Variants in UACA observed in about 807,000 individuals in gnomAD.
UACA encodes the protein nuclear membrane binding protein.
A neutral mutation model predicts 160.5 loss-of-function variants in UACA; 112 were observed. The ratio of observed to expected loss-of-function variants is 0.70; its 90% CI spans 0.60 to 0.82. The LOEUF is 0.82. Ranked by LOEUF, UACA falls within the 40% of genes least tolerant of loss-of-function variation. The pLI, the probability that UACA is intolerant of heterozygous loss-of-function variation, is 0.00. For synonymous variants in UACA, 557 were observed against 568.4 expected, an observed-to-expected ratio of 0.98 and a Z score of 0.29; for missense variants, 1,574 against 1,614.6, an observed-to-expected ratio of 0.97 and a Z score of 0.43.
chr15:70,758,273 A>G (rs2030546112), intron 1 of UACA: 1 of 152,182 alleles, frequency 6.6e-6, no homozygotes, highest in African/African-American at 2.4e-5. Flanking sequence ...AAAAACTATA[A>G]AAGAAGGGTT....
intron 1 of UACA, among the ~76,000 whole-genome samples, chr15:70,727,607 T>A (rs1442295782): frequency 6.6e-6 from 1 of 152,236 alleles, no homozygotes; most frequent in Non-Finnish European, 1.5e-5. Context: ...ATATTTCAAT[T>A]CCTATTAAAC....
chr15:70,710,830 C>T (rs1487767411), intron 1 of UACA, among the ~76,000 whole-genome samples: 1 of 152,248 alleles, frequency 6.6e-6, no homozygotes, highest in Non-Finnish European at 1.5e-5. Flanking sequence ...TGTTCAGCAA[C>T]CAGGAAGCTC....
upstream of UACA, chr15:70,767,908 TGA>T (rs1359452995): frequency 6.6e-6 from 1 of 152,172 alleles, no homozygotes; most frequent in Non-Finnish European, 1.5e-5. Context: ...GCCCAGGAAA[TGA>T]GAGACCTGAG....
Position 70,763,506 on chromosome 15 carries a change from T to C in UACA, c.-99A>G, listed in dbSNP as rs527570404. On this transcript the variant is annotated 5_prime_UTR_variant, in exon 1 of 19. Transcript: ENST00000322954. Reference sequence around the variant, plus strand: ...CGGCTGCAGCAGAGGCGGCGCGGGCTGTACCAGCCCCACCTGCCTGCCACC... The same window carrying C: ...CGGCTGCAGCAGAGGCGGCGCGGGCCGTACCAGCCCCACCTGCCTGCCACC... The C allele has an allele frequency of 2.4e-6, 3 of 1,251,584 alleles. No homozygotes were observed. The highest frequency in any genetic ancestry group is 6.3e-5 in the East Asian group (2 of 31,628). The allele number at this position is 1,251,584 out of a possible 1,614,324, so 77.5% of individuals were successfully genotyped here. A position where few individuals can be genotyped will look rare whatever the true frequency, so the allele number is the denominator to read the frequency against.
intron 2 of UACA, 149 bp from the exon 3 acceptor site, chr15:70,695,254 T>C (rs538467382): frequency 2.0e-6 from 1 of 496,108 alleles, no homozygotes; most frequent in African/African-American, 2.0e-5. Flanking sequence ...ACATATTTAA[T>C]TAAAATTAAA....
At chr15:70,682,908 C>A in intron 8 of UACA, 113 bp from the exon 9 acceptor site, 1 of 568,644 alleles carries the variant, frequency 1.8e-6, no homozygotes, top group South Asian at 5.4e-5. Context: ...TTAGAGTTTC[C>A]TCTAAAGCTT....
chr15:70,723,634 C>CT (rs71845744), intron 1 of UACA, among the ~76,000 whole-genome samples: 3,246 of 138,934 alleles, frequency 0.023, 91 homozygotes, highest in African/African-American at 0.069. Flanking sequence ...CAACTTTTTC[C>CT]TTTTTTTTTT....
At chr15:70,742,721 T>A (rs1443512157) in intron 1 of UACA, among the ~76,000 whole-genome samples, 1 of 152,236 alleles carries the variant, frequency 6.6e-6, no homozygotes, top group Non-Finnish European at 1.5e-5. Context: ...ATGTTTCATA[T>A]GACTATTATC....
At chr15:70,659,395 GTTTTTTTTTTTTTTTT>G (rs71152307) in intron 18 of UACA, among the ~76,000 whole-genome samples, 1 of 18,818 alleles carries the variant, frequency 5.3e-5, no homozygotes, top group Admixed American at 1.1e-3. Context: ...TTTTTTGTTT[GTTTTTTTTTTTTTTTT>G]TTTTTTTTTT....
At position 70,669,234 on chromosome 15, in the gene UACA, C is replaced by A. The variant is rs539534982; in HGVS notation, c.1450G>T (p.Val484Phe). Residue 484 changes from valine to phenylalanine, a missense_variant, in exon 16 of 19, where the codon GTC (valine) becomes TTC (phenylalanine). Transcript: ENST00000322954. ...ATCTGTTCATCTGAATCCTCCTTGA[C>A]CCTTTCACATTCTAATGCTAAAGCT... is the stretch of plus-strand genomic sequence containing the variant. ...CKALALECER[V>F]KEDSDEQIKQ... is the part of the protein sequence containing the mutation. 4 of 1,614,042 alleles carry A rather than the reference C, an allele frequency of 2.5e-6. No individual in the cohort carries two copies. The Admixed American group carries it at 6.7e-5, about 27-fold the overall frequency.
chr15:70,758,570 TCAA>T (rs1365481266), intron 1 of UACA: 1 of 152,202 alleles, frequency 6.6e-6, no homozygotes, highest in East Asian at 1.9e-4. Flanking sequence ...ATTCTCAAAA[TCAA>T]CAACTAAAAC....
In UACA at chr15:70,667,151, T is replaced by A. The variant is rs763035452; in HGVS notation, c.3533A>T (p.Lys1178Ile). ...GCTGGCTTTTATGATTCCAACTTCT[T>A]TCTCAAATGCTTCTTTAATCTGCAA... ...EHLQIKEAFE[K>I]EVGIIKASLR... is the part of the protein sequence containing the mutation. Residue 1178 changes from lysine to isoleucine, a missense_variant, in exon 16 of 19, where the codon AAA (lysine) becomes ATA (isoleucine). Physicochemically the swap from Lys to Ile is moderately radical, Grantham distance 102. Coordinates refer to ENST00000322954, the MANE Select transcript of UACA (RefSeq NM_018003.4). The A allele has an allele frequency of 1.9e-6, 3 of 1,613,732 alleles. No homozygotes were observed. Among genetic ancestry groups the A allele is most frequent in the Non-Finnish European group, 2.5e-6 (3 of 1,179,946 alleles).
chr15:70,687,970 T>C, intron 5 of UACA, 150 bp from the exon 6 acceptor site: 1 of 680,196 alleles, frequency 1.5e-6, no homozygotes, highest in Non-Finnish European at 2.5e-6. Flanking sequence ...ATAAGCACAA[T>C]TTTTCATCTG....
intron 8 of UACA, among the ~76,000 whole-genome samples, chr15:70,683,990 A>G (rs1182890440): frequency 6.6e-6 from 1 of 151,390 alleles, no homozygotes; most frequent in African/African-American, 2.4e-5. Flanking sequence ...AAAAAAACTT[A>G]GTAAAACACT....
Position 70,668,251 on chromosome 15 carries a change from T to A in UACA, c.2433A>T (p.Lys811Asn). The change falls in exon 16 of 19, where the codon AAA (lysine) becomes AAT (asparagine). Residue 811 changes from lysine to asparagine, a missense_variant. Physicochemically the swap from Lys to Asn is moderately conservative, Grantham distance 94. Coordinates refer to ENST00000322954, the MANE Select transcript of UACA (RefSeq NM_018003.4). ...TATTGGATTTCAGAGCTATTATCTC[T>A]TTTTCATGTTTCTCAGGAGGTACAA... ...TVFVPPEKHE[K>N]EIIALKSNIV... is the part of the protein sequence containing the mutation. 3 of 1,613,428 alleles carry A rather than the reference T, an allele frequency of 1.9e-6. No individual in the cohort carries two copies. Among genetic ancestry groups the A allele is most frequent in the Non-Finnish European group, 2.5e-6 (3 of 1,179,904 alleles).
chr15:70,671,059 TC>T lies in UACA; in HGVS notation c.1200del (p.Met401CysfsTer23). On this transcript the variant is annotated frameshift_variant, in exon 15 of 19. Transcript: ENST00000322954. LOFTEE classifies it high-confidence loss of function. Reference sequence around the variant, plus strand: ...ATTACCTGTGAGTCTGCCATATACATCTGACCTTGTTTAAGAAGCATATCTT... The same window carrying T: ...ATTACCTGTGAGTCTGCCATATACATTGACCTTGTTTAAGAAGCATATCTT... ...RKEDMLLKQGQMYMADSQCTS... is the reference protein window; with the variant it reads ...RKEDMLLKQGXMYMADSQCTS... 6.3e-7 allele frequency: 1 copy of T among 1,591,114 alleles called. No homozygotes were observed.
At chr15:70,693,544 A>G (rs1898015048) in intron 3 of UACA, among the ~76,000 whole-genome samples, 1 of 152,150 alleles carries the variant, frequency 6.6e-6, no homozygotes, top group South Asian at 2.1e-4. Context: ...CTAGGGACAA[A>G]CATTATAAAA....
intron 1 of UACA, among the ~76,000 whole-genome samples, chr15:70,742,152 G>GC (rs1373050531): frequency 6.6e-6 from 1 of 152,172 alleles, no homozygotes; most frequent in Non-Finnish European, 1.5e-5. Flanking sequence ...AGAACTCCCT[G>GC]CAATACGGTT....
In UACA at chr15:70,724,458, T is replaced by C. The variant is rs115128730; in HGVS notation, c.79-24798A>G. Among the ~76,000 whole-genome samples the C allele has an allele frequency of 9.8e-3, 1,485 of 152,306 alleles. 30 individuals are homozygous for C. Among genetic ancestry groups the C allele is most frequent in the African/African-American group, 0.033 (1,381 of 41,574 alleles). Reference sequence around the variant, plus strand: ...GATAGTCCTTTAAACATCTCAGTTTTAATTTTTTTTCAAATTTTAGTACAT... The same window carrying C: ...GATAGTCCTTTAAACATCTCAGTTTCAATTTTTTTTCAAATTTTAGTACAT... On this transcript the variant is annotated intron_variant, in intron 1 of 18. Coordinates refer to ENST00000322954, the MANE Select transcript of UACA (RefSeq NM_018003.4).
Sources: gnomAD v4.1 joint callset for allele counts (sites outside exome capture counted in the v4.1 genomes callset) on GRCh38, gnomAD v4.1.1 for gene constraint, MANE v1.5 for transcripts, NCBI Gene and HGNC (gene_info 2026-07-23, HGNC 2026-07-21) for gene names.